The following GRM3 variants were observed in gnomAD, a reference collection of about 807,000 sequenced individuals.
The protein encoded by GRM3 is glutamate metabotropic receptor 3, also known as metabotropic glutamate receptor 3.
GRM3 carries 26 observed loss-of-function variants against 70.5 expected under a neutral mutation model. The observed-to-expected ratio is 0.37, with a 90% CI of 0.27 to 0.51. GRM3 has a LOEUF of 0.51. Ranked by LOEUF, GRM3 falls within the 20% of genes least tolerant of loss-of-function variation. GRM3 has a pLI of 0.93. For synonymous variants in GRM3, 443 were observed against 434.9 expected (o/e 1.02, Z -0.23); for missense variants, 859 against 1,123.8 (o/e 0.76, Z 3.37).
chr7:86,656,476 C>T lies in GRM3; in HGVS notation c.-141+11604C>T, dbSNP rs187534597. On this transcript the variant is annotated intron_variant, in intron 1 of 5. Coordinates refer to ENST00000361669, the MANE Select transcript of GRM3 (RefSeq NM_000840.3). ...TAGAGATGGAGTTTCACCATGTTGG[C>T]CAGGCTGGTCTCAAATTCCTGGTTT... Among the ~76,000 whole-genome samples, 541 of 151,958 alleles carry T rather than the reference C, an allele frequency of 3.6e-3. 7 individuals are homozygous for T. The highest frequency in any genetic ancestry group is 0.013 in the African/African-American group (520 of 41,436).
intron 1 of GRM3, among the ~76,000 whole-genome samples, chr7:86,706,703 T>C (rs1037546690): frequency 3.3e-5 from 5 of 152,038 alleles, no homozygotes; most frequent in Admixed American, 1.3e-4. Flanking sequence ...TACTCTAGTA[T>C]GCCAGGCACA....
At chr7:86,861,337 T>C (rs976287714) in intron 5 of GRM3, among the ~76,000 whole-genome samples, 118 of 152,224 alleles carry the variant, frequency 7.8e-4, no homozygotes, top group Non-Finnish European at 7.5e-4. Flanking sequence ...GACAGTCTAT[T>C]CCATGACCAG....
chr7:86,761,759 T>C (rs569003855), intron 1 of GRM3, among the ~76,000 whole-genome samples: 1 of 152,302 alleles, frequency 6.6e-6, no homozygotes, highest in Admixed American at 6.5e-5. Context: ...TTTATGAATT[T>C]GGTAACAGGC....
intron 1 of GRM3, among the ~76,000 whole-genome samples, chr7:86,723,891 G>A (rs771721848): frequency 1.3e-5 from 2 of 152,148 alleles, no homozygotes; most frequent in Admixed American, 6.6e-5. Flanking sequence ...GAAGCACAAT[G>A]CAAGATTGGT....
In GRM3 at chr7:86,849,873, G is replaced by A. The variant is rs1051661600; in HGVS notation, c.2392-497G>A. Among the ~76,000 whole-genome samples the A allele has an allele frequency of 4.6e-5, 7 of 152,166 alleles. No individual in the cohort carries two copies. In the South Asian group the frequency reaches 8.3e-4, roughly 18 times the overall value. Reference sequence around the variant, plus strand: ...TCCCCAACAAAGAATAGGGAAACCAGTAGCTGATAGGCAGAGCTTCCAGCA... The same window carrying A: ...TCCCCAACAAAGAATAGGGAAACCAATAGCTGATAGGCAGAGCTTCCAGCA... On this transcript the variant is annotated intron_variant, in intron 4 of 5. Coordinates refer to ENST00000361669, the MANE Select transcript of GRM3 (RefSeq NM_000840.3).
intron 3 of GRM3, among the ~76,000 whole-genome samples, chr7:86,808,818 T>A (rs2116649146): frequency 6.6e-6 from 1 of 152,078 alleles, no homozygotes; most frequent in East Asian, 1.9e-4. Flanking sequence ...GAGCCACCTG[T>A]TTAATATGTT....
At chr7:86,645,472 C>A (rs1793435300) in intron 1 of GRM3, among the ~76,000 whole-genome samples, 1 of 152,158 alleles carries the variant, frequency 6.6e-6, no homozygotes, top group Non-Finnish European at 1.5e-5. Context: ...AGACAGGGAG[C>A]ATATCTTTTC....
At chr7:86,814,424 T>C (rs1797976126) in intron 3 of GRM3, among the ~76,000 whole-genome samples, 1 of 151,762 alleles carries the variant, frequency 6.6e-6, no homozygotes, top group Non-Finnish European at 1.5e-5. Flanking sequence ...ATCATTCTTA[T>C]GCCTTTGCAT....
intron 1 of GRM3, among the ~76,000 whole-genome samples, chr7:86,681,528 A>G (rs1287387723): frequency 6.6e-6 from 1 of 152,154 alleles, no homozygotes; most frequent in African/African-American, 2.4e-5. Flanking sequence ...TACATTATTC[A>G]TCAATGGCTC....
At chr7:86,648,093 TCA>T (rs1793519491) in intron 1 of GRM3, among the ~76,000 whole-genome samples, 2 of 152,224 alleles carry the variant, frequency 1.3e-5, no homozygotes, top group Admixed American at 6.5e-5. Context: ...TACAAAAGCT[TCA>T]CACAGTTACA....
At chr7:86,656,989 GAA>G (rs1793763057) in intron 1 of GRM3, among the ~76,000 whole-genome samples, 1 of 152,056 alleles carries the variant, frequency 6.6e-6, no homozygotes, top group South Asian at 2.1e-4. Context: ...TATTTAATGA[GAA>G]AACATAAATT....
chr7:86,707,892 A>T (rs1795096229), intron 1 of GRM3, among the ~76,000 whole-genome samples: 1 of 152,116 alleles, frequency 6.6e-6, no homozygotes, highest in African/African-American at 2.4e-5. Context: ...GGCACTGATG[A>T]AAGCACTTTA....
intron 1 of GRM3, among the ~76,000 whole-genome samples, chr7:86,701,635 G>T (rs574020540): frequency 2.0e-5 from 3 of 151,966 alleles, no homozygotes; most frequent in South Asian, 4.1e-4. Context: ...AAGGGTAAAA[G>T]ATATCCAGGT....
chr7:86,752,349 T>C (rs1796250089), intron 1 of GRM3, among the ~76,000 whole-genome samples: 1 of 152,124 alleles, frequency 6.6e-6, no homozygotes. Context: ...CATAATTTTA[T>C]GCCCATAATT....
chr7:86,664,709 G>A lies in GRM3; in HGVS notation c.-141+19837G>A, dbSNP rs1283506862. Among the ~76,000 whole-genome samples, 3 of 152,048 alleles carry A rather than the reference G, an allele frequency of 2.0e-5. No homozygotes were observed. The South Asian group carries it at 6.2e-4, about 32-fold the overall frequency. ...AGCTTGCACAAGGCTGGTGCAAGCA[G>A]ATGATGGTTACGTTTGGCTGAGAAG... On this transcript the variant is annotated intron_variant, in intron 1 of 5. Coordinates refer to ENST00000361669, the MANE Select transcript of GRM3 (RefSeq NM_000840.3).
intron 4 of GRM3, among the ~76,000 whole-genome samples, chr7:86,848,476 T>A (rs756004046): frequency 1.3e-5 from 2 of 151,928 alleles, no homozygotes; most frequent in Non-Finnish European, 2.9e-5. Flanking sequence ...CTAGAGGGCG[T>A]TTTCATCTTT....
At chr7:86,687,234 T>A (rs1462977771) in intron 1 of GRM3, among the ~76,000 whole-genome samples, 1 of 151,956 alleles carries the variant, frequency 6.6e-6, no homozygotes, top group African/African-American at 2.4e-5. Flanking sequence ...GAAAAATGTC[T>A]GATTTTATAG....
intron 3 of GRM3, among the ~76,000 whole-genome samples, chr7:86,835,416 T>C (rs985916426): frequency 6.6e-6 from 1 of 152,094 alleles, no homozygotes. Flanking sequence ...TAGATAAATA[T>C]TTTAATAATC....
At chr7:86,815,010 G>A (rs945692885) in intron 3 of GRM3, among the ~76,000 whole-genome samples, 2 of 151,396 alleles carry the variant, frequency 1.3e-5, no homozygotes, top group African/African-American at 4.8e-5. Flanking sequence ...CTCTTTTAAC[G>A]GTAGTTTCTT....
Sources: gnomAD v4.1 joint callset for allele counts (sites outside exome capture counted in the v4.1 genomes callset) on GRCh38, gnomAD v4.1.1 for gene constraint, MANE v1.5 for transcripts, NCBI Gene and HGNC (gene_info 2026-07-23, HGNC 2026-07-21) for gene names.